Variants in SLX9 observed in about 807,000 individuals in gnomAD.
The protein encoded by SLX9 is SLX9 ribosome biogenesis factor, also known as ribosome biogenesis protein SLX9 homolog.
SLX9 carries 19 observed loss-of-function variants against 20.8 expected under a neutral mutation model. The ratio of observed to expected loss-of-function variants is 0.91; its 90% CI spans 0.64 to 1.34. The LOEUF is 1.34. Ranked by LOEUF, SLX9 falls within the 40% of genes most tolerant of loss-of-function variation. The pLI, the probability that SLX9 is intolerant of heterozygous loss-of-function variation, is 0.00. For synonymous variants in SLX9, 113 were observed against 137.1 expected, an observed-to-expected ratio of 0.82 and a Z score of 1.23; for missense variants, 299 against 322.2, an observed-to-expected ratio of 0.93 and a Z score of 0.55.
At chr21:44,942,395 G>A (rs956455769) in intron 1 of SLX9, among the ~76,000 whole-genome samples, 15 of 152,150 alleles carry the variant, frequency 9.9e-5, no homozygotes, top group African/African-American at 3.4e-4. Flanking sequence ...AACCCTCCAA[G>A]ACCAAGGACT....
chr21:44,965,962 A>G (rs189470182), intron 3 of SLX9, among the ~76,000 whole-genome samples: 6 of 151,310 alleles, frequency 4.0e-5, no homozygotes, highest in Non-Finnish European at 3.0e-5. Context: ...TACCTTATAA[A>G]CCCCCGTGAT....
intron 3 of SLX9, among the ~76,000 whole-genome samples, chr21:44,966,251 G>C (rs574127263): frequency 6.6e-6 from 1 of 152,112 alleles, no homozygotes; most frequent in African/African-American, 2.4e-5. Flanking sequence ...GCTGGCTGTT[G>C]TCACCTCTGG....
chr21:44,965,844 C>T (rs867843031), intron 3 of SLX9, among the ~76,000 whole-genome samples: 4 of 152,134 alleles, frequency 2.6e-5, no homozygotes, highest in Admixed American at 6.5e-5. Flanking sequence ...TCTGGCCTGG[C>T]CCGCCCCTCC....
chr21:44,973,130 C>T, intron 4 of SLX9, 67 bp from the exon 5 acceptor site: 1 of 1,575,738 alleles, frequency 6.3e-7, no homozygotes. Context: ...AGGAGCCAGC[C>T]TCTGCCCACG....
At chr21:44,946,837 TCA>T (rs1446329104) in intron 2 of SLX9, among the ~76,000 whole-genome samples, 1 of 152,200 alleles carries the variant, frequency 6.6e-6, no homozygotes, top group Non-Finnish European at 1.5e-5. Flanking sequence ...CCATGGGACC[TCA>T]CAGAGGGCTC....
chr21:44,943,996 T>C (rs1164938882), intron 2 of SLX9, among the ~76,000 whole-genome samples, 159 bp downstream of exon 2: 1 of 152,094 alleles, frequency 6.6e-6, no homozygotes, highest in Non-Finnish European at 1.5e-5. Flanking sequence ...TTCCCCAGAG[T>C]AGATTACAGC....
intron 2 of SLX9, among the ~76,000 whole-genome samples, chr21:44,945,568 G>A (rs1391189439): frequency 1.3e-5 from 2 of 152,200 alleles, no homozygotes; most frequent in Non-Finnish European, 2.9e-5. Flanking sequence ...GAGACGTCAC[G>A]CTCACGACCC....
At chr21:44,973,023 C>CCGGGGCGGTCACCGGACGGT in intron 4 of SLX9, 174 bp from the exon 5 acceptor site, 1 of 717,604 alleles carries the variant, frequency 1.4e-6, no homozygotes, top group Non-Finnish European at 2.4e-6. Context: ...CACTGCTTGT[C>CCGGGGCGGTCACCGGACGGT]CAGGTCTCGC....
intron 2 of SLX9, among the ~76,000 whole-genome samples, chr21:44,953,719 G>C (rs2146634000): frequency 6.6e-6 from 1 of 152,308 alleles, no homozygotes; most frequent in East Asian, 1.9e-4. Context: ...TGGCCCCGCA[G>C]CCTGGGTTCC....
intron 2 of SLX9, among the ~76,000 whole-genome samples, chr21:44,950,747 C>T (rs1427970448): frequency 6.6e-6 from 1 of 152,228 alleles, no homozygotes; most frequent in Admixed American, 6.5e-5. Context: ...TTCCTCCCAT[C>T]TTAGTGGGAG....
At chr21:44,963,688 T>C (rs1231084348) in intron 3 of SLX9, among the ~76,000 whole-genome samples, 2 of 152,230 alleles carry the variant, frequency 1.3e-5, no homozygotes, top group Non-Finnish European at 2.9e-5. Context: ...TATTGGATTG[T>C]TTTGTTGCCT....
chr21:44,955,756 C>T (rs2084845600), intron 2 of SLX9, among the ~76,000 whole-genome samples: 2 of 152,256 alleles, frequency 1.3e-5, no homozygotes, highest in South Asian at 4.1e-4. Context: ...AGCCTTACAT[C>T]ACGGCTGCTG....
At chr21:44,971,475 G>T (rs1019754832) in intron 4 of SLX9, among the ~76,000 whole-genome samples, 1 of 152,146 alleles carries the variant, frequency 6.6e-6, no homozygotes, top group Non-Finnish European at 1.5e-5. Flanking sequence ...GAGGTGCCGC[G>T]CCTGGCCTCA....
At chr21:44,971,738 G>C (rs59267673) in intron 4 of SLX9, among the ~76,000 whole-genome samples, 11,898 of 152,202 alleles carry the variant, frequency 0.078, 1,551 homozygotes, top group African/African-American at 0.27. Flanking sequence ...GATGGGGACC[G>C]GGGACAGCTC....
At chr21:44,965,348 G>A (rs926858690) in intron 3 of SLX9, among the ~76,000 whole-genome samples, 2 of 151,924 alleles carry the variant, frequency 1.3e-5, no homozygotes, top group Non-Finnish European at 2.9e-5. Context: ...GTCCCGCCCC[G>A]CCACTGCCTC....
intron 3 of SLX9, among the ~76,000 whole-genome samples, chr21:44,962,627 G>A (rs1042222292): frequency 1.3e-5 from 2 of 152,204 alleles, no homozygotes; most frequent in African/African-American, 4.8e-5. Flanking sequence ...AGGCTGCTCT[G>A]AACATTCTTT....
intron 2 of SLX9, chr21:44,959,121 C>T: frequency 1.3e-6 from 1 of 741,060 alleles, no homozygotes; most frequent in Non-Finnish European, 1.6e-6. Flanking sequence ...GAGCCCTGGG[C>T]CTTGGAGGTT....
At chr21:44,942,795 G>A (rs1231920627) in intron 1 of SLX9, among the ~76,000 whole-genome samples, 1 of 152,122 alleles carries the variant, frequency 6.6e-6, no homozygotes, top group Admixed American at 6.5e-5. Flanking sequence ...GCTGCAGGAG[G>A]GGAGGGGTTG....
intron 2 of SLX9, among the ~76,000 whole-genome samples, chr21:44,952,043 C>T (rs554510535): frequency 6.1e-5 from 9 of 147,594 alleles, no homozygotes; most frequent in South Asian, 2.1e-4. Context: ...AAGCCTTCAT[C>T]GGATTAAAGT....
Sources: allele counts gnomAD v4.1 joint callset (sites outside exome capture counted in the v4.1 genomes callset), GRCh38; gene constraint gnomAD v4.1.1; transcripts MANE v1.5; gene names NCBI Gene and HGNC (gene_info 2026-07-23, HGNC 2026-07-21).